Variants in CUX1 observed in about 807,000 individuals in gnomAD.
CUX1 encodes cut like homeobox 1, also known as protein CASP.
Under a neutral mutation model 158.8 loss-of-function variants are expected in CUX1, and 31 were observed. The ratio of observed to expected loss-of-function variants is 0.20; its 90% CI spans 0.15 to 0.26. The LOEUF (loss-of-function observed/expected upper bound fraction) is 0.26. Ranked by LOEUF, CUX1 falls within the 10% of genes least tolerant of loss-of-function variation. CUX1 has a pLI of 1.00. For missense variants in CUX1, 1,589 were observed against 2,014.6 expected (o/e 0.79, Z 4.04); for synonymous variants, 879 against 862.1 (o/e 1.02, Z -0.34).
chr7:102,161,192 A>T (rs1166797467), intron 9 of CUX1: 1 of 152,136 alleles, frequency 6.6e-6, no homozygotes, highest in Non-Finnish European at 1.5e-5. Flanking sequence ...TCCATAAAAA[A>T]TACAAAAGTT....
chr7:102,272,890 C>T (rs1791324740), intron 14 of CUX1, among the ~76,000 whole-genome samples: 1 of 152,162 alleles, frequency 6.6e-6, no homozygotes, highest in African/African-American at 2.4e-5. Context: ...ACGCGCCCCA[C>T]TGCACCCCCG....
chr7:101,984,968 C>G (rs1055135777), intron 2 of CUX1, among the ~76,000 whole-genome samples: 1 of 152,064 alleles, frequency 6.6e-6, no homozygotes, highest in Non-Finnish European at 1.5e-5. Context: ...GGCAAGGACT[C>G]CTGCCATTTA....
At chr7:102,168,536 C>T (rs1213238162) in intron 9 of CUX1, among the ~76,000 whole-genome samples, 2 of 149,448 alleles carry the variant, frequency 1.3e-5, no homozygotes, top group Non-Finnish European at 3.0e-5. Flanking sequence ...TCCAGCTACT[C>T]AGGAGGCTGA....
chr7:101,978,221 T>C (rs1158763108), intron 2 of CUX1, among the ~76,000 whole-genome samples: 1 of 152,032 alleles, frequency 6.6e-6, no homozygotes, highest in Non-Finnish European at 1.5e-5. Context: ...ATATTCAACA[T>C]CTCTACTTGG....
intron 4 of CUX1, among the ~76,000 whole-genome samples, chr7:102,074,646 A>T (rs2130650693): frequency 1.3e-5 from 2 of 152,312 alleles, no homozygotes; most frequent in Middle Eastern, 6.8e-3. Context: ...TCAGCAGCGG[A>T]GTTCACCAAG....
At chr7:102,039,254 C>G (rs983426890) in intron 3 of CUX1, among the ~76,000 whole-genome samples, 1 of 152,160 alleles carries the variant, frequency 6.6e-6, no homozygotes, top group Non-Finnish European at 1.5e-5. Context: ...CCAAGTCACA[C>G]AGGTCATAAT....
At chr7:102,180,017 G>A (rs1792853386) in intron 11 of CUX1, among the ~76,000 whole-genome samples, 1 of 150,254 alleles carries the variant, frequency 6.7e-6, no homozygotes, top group South Asian at 2.1e-4. Flanking sequence ...GTGTTTTGTC[G>A]TTGTTGTTGT....
intron 2 of CUX1, among the ~76,000 whole-genome samples, chr7:101,990,538 G>A (rs1814969115): frequency 1.3e-5 from 2 of 152,066 alleles, no homozygotes. Flanking sequence ...CACCATGTCT[G>A]GCTAATTTCT....
At position 102,123,545 on chromosome 7, in the gene CUX1, C is replaced by T. The variant is rs1379127329; in HGVS notation, c.674+8272C>T. Among the ~76,000 whole-genome samples the T allele has an allele frequency of 2.1e-5, 3 of 143,688 alleles. No individual in the cohort carries two copies. The Admixed American group carries it at 2.2e-4, about 10-fold the overall frequency. 94.3% of individuals were successfully genotyped at this position (143,688 alleles called of 152,430 possible). A position where few individuals can be genotyped will look rare whatever the true frequency, so the allele number is the denominator to read the frequency against. ...AATGGCGTGAACCCGGGAGGCAGAGCTTGCAGTGAGCCGAGATTGTGCCAC... is the reference window on the plus strand; with the variant it reads ...AATGGCGTGAACCCGGGAGGCAGAGTTTGCAGTGAGCCGAGATTGTGCCAC... On this transcript the variant is annotated intron_variant, in intron 8 of 23. Coordinates refer to ENST00000292535, the MANE Select transcript of CUX1 (RefSeq NM_181552.4).
At chr7:102,005,116 C>T (rs1207710559) in intron 2 of CUX1, among the ~76,000 whole-genome samples, 1 of 152,180 alleles carries the variant, frequency 6.6e-6, no homozygotes, top group Non-Finnish European at 1.5e-5. Context: ...GTCATTCAGG[C>T]TCTGTCAGCT....
chr7:102,122,211 G>T (rs1832119389), intron 8 of CUX1, among the ~76,000 whole-genome samples: 1 of 152,102 alleles, frequency 6.6e-6, no homozygotes, highest in Non-Finnish European at 1.5e-5. Context: ...CTGTCTTTTT[G>T]ATGAGTCATC....
intron 21 of CUX1, 49 bp downstream of exon 21, chr7:102,227,718 A>G (rs782517864): frequency 8.9e-6 from 14 of 1,567,872 alleles, no homozygotes; most frequent in Non-Finnish European, 1.0e-5. Context: ...GGGAGTTTGC[A>G]GGAGGAGCAG....
upstream of CUX1, chr7:101,816,025 C>G: frequency 7.0e-7 from 1 of 1,426,596 alleles, no homozygotes; most frequent in Non-Finnish European, 9.4e-7. Flanking sequence ...CTCAATATGT[C>G]TCAAGATGGC....
intron 3 of CUX1, among the ~76,000 whole-genome samples, chr7:102,049,274 C>T (rs780974063): frequency 1.4e-4 from 21 of 152,226 alleles, no homozygotes; most frequent in Non-Finnish European, 2.2e-4. Context: ...AAGAGCATCC[C>T]TTCAGCAACA....
chr7:102,123,493 C>T (rs1429204634), intron 8 of CUX1, among the ~76,000 whole-genome samples: 2 of 150,558 alleles, frequency 1.3e-5, no homozygotes, highest in Non-Finnish European at 2.9e-5. Context: ...CCTATAGTCC[C>T]AGCTACTCGG....
At chr7:101,997,328 T>TTTTG (rs371966449) in intron 2 of CUX1, among the ~76,000 whole-genome samples, 33 of 152,304 alleles carry the variant, frequency 2.2e-4, no homozygotes, top group South Asian at 2.1e-4. Context: ...TGGTTTGTTT[T>TTTTG]TTTGTTTGTT....
chr7:101,950,179 T>G (rs1431270155), intron 2 of CUX1, among the ~76,000 whole-genome samples: 1 of 152,086 alleles, frequency 6.6e-6, no homozygotes, highest in Non-Finnish European at 1.5e-5. Flanking sequence ...CCGGCTAATT[T>G]TTGTATTTTT....
chr7:102,160,570 G>C (rs537984776), intron 9 of CUX1, among the ~76,000 whole-genome samples: 1 of 151,976 alleles, frequency 6.6e-6, no homozygotes, highest in Non-Finnish European at 1.5e-5. Flanking sequence ...TTCCTAACTC[G>C]GTATTTCCTG....
Position 102,251,046 on chromosome 7 carries a change from T to G in CUX1, c.*2004T>G. 1 of 984,848 alleles carries G rather than the reference T, an allele frequency of 1.0e-6. No homozygotes were observed. Among genetic ancestry groups the G allele is most frequent in the Non-Finnish European group, 1.2e-6 (1 of 829,504 alleles). The allele number at this position is 984,848 out of a possible 1,614,324, so 61.0% of individuals were successfully genotyped here. On this transcript the variant is annotated 3_prime_UTR_variant, in exon 24 of 24. Coordinates refer to ENST00000292535, the MANE Select transcript of CUX1 (RefSeq NM_181552.4). ...TAGGAAGGGATGAAAGGGGCAAATA[T>G]TCTTTAGAGGGATAGACTGCCGGCA...
Sources: allele counts gnomAD v4.1 joint callset (sites outside exome capture counted in the v4.1 genomes callset), GRCh38; gene constraint gnomAD v4.1.1; transcripts MANE v1.5; gene names NCBI Gene and HGNC (gene_info 2026-07-23, HGNC 2026-07-21).